Variants in GALNT16 observed in about 807,000 individuals in gnomAD.
The protein encoded by GALNT16 is polypeptide N-acetylgalactosaminyltransferase 16, also known as UDP-GalNAc:polypeptide N-acetylgalactosaminyltransferase-like protein 1.
A neutral mutation model predicts 76.1 loss-of-function variants in GALNT16; 40 were observed. That is an observed-to-expected ratio of 0.53 (90% CI 0.41 to 0.68). GALNT16 has a LOEUF of 0.68. Ranked by LOEUF, GALNT16 falls within the 30% of genes least tolerant of loss-of-function variation. GALNT16 has a pLI of 0.00. For synonymous variants in GALNT16, 276 were observed against 285.2 expected, an observed-to-expected ratio of 0.97 and a Z score of 0.32; for missense variants, 621 against 731.9, an observed-to-expected ratio of 0.85 and a Z score of 1.75.
intron 1 of GALNT16, among the ~76,000 whole-genome samples, chr14:69,287,704 C>G (rs530753000): frequency 1.2e-3 from 186 of 152,316 alleles, no homozygotes; most frequent in African/African-American, 4.3e-3. Flanking sequence ...CATCTGCTGG[C>G]CAGCACAGCC....
chr14:69,278,269 A>G (rs902757735), intron 1 of GALNT16, among the ~76,000 whole-genome samples: 1 of 152,148 alleles, frequency 6.6e-6, no homozygotes, highest in Non-Finnish European at 1.5e-5. Context: ...TTGGCCTCCC[A>G]AAGTCCTAGG....
At chr14:69,360,956 C>A (rs1358656444), downstream of GALNT16, among the ~76,000 whole-genome samples, 1 of 152,222 alleles carries the variant, frequency 6.6e-6, no homozygotes, top group African/African-American at 2.4e-5. Context: ...CCACAGAGCT[C>A]TGGGCAGTGA....
intron 10 of GALNT16, 133 bp downstream of exon 10, chr14:69,338,910 CT>C: frequency 1.5e-6 from 1 of 679,976 alleles, no homozygotes; most frequent in Non-Finnish European, 2.4e-6. Flanking sequence ...CATTTGCCCC[CT>C]CTGGTAACAT....
rs766188989 is a variant in GALNT16, at chr14:69,322,925, G to GGTGTGTGT, written c.336-1717_336-1710dup. ...AAAAGAAAGCTGAGGTGGCTCACGG[G>GGTGTGTGT]GTGTGTGTGTGTGTGTGTGTGTGTG... On this transcript the variant is annotated intron_variant, in intron 2 of 14. Coordinates refer to ENST00000448469, the MANE Select transcript of GALNT16 (RefSeq NM_001168368.2). 7.2e-3 allele frequency among the ~76,000 whole-genome samples: 746 copies of GGTGTGTGT among 103,794 alleles called. 12 individuals are homozygous for GGTGTGTGT. Among genetic ancestry groups the GGTGTGTGT allele is most frequent in the Non-Finnish European group, 9.9e-3 (538 of 54,478 alleles). 68.1% of individuals were successfully genotyped at this position (103,794 alleles called of 152,430 possible).
At chr14:69,312,141 C>T (rs1709038606) in intron 1 of GALNT16, among the ~76,000 whole-genome samples, 1 of 151,732 alleles carries the variant, frequency 6.6e-6, no homozygotes, top group South Asian at 2.1e-4. Flanking sequence ...GTCCCAGCTA[C>T]TCAGGAGACT....
At chr14:69,329,897 C>T (rs1322716153) in intron 6 of GALNT16, among the ~76,000 whole-genome samples, 1 of 152,096 alleles carries the variant, frequency 6.6e-6, no homozygotes, top group Non-Finnish European at 1.5e-5. Context: ...TAACTAGGCC[C>T]CATCTCCAAC....
At chr14:69,314,936 G>A (rs563195682) in intron 1 of GALNT16, among the ~76,000 whole-genome samples, 1 of 152,306 alleles carries the variant, frequency 6.6e-6, no homozygotes, top group Admixed American at 6.5e-5. Flanking sequence ...TTTACTGGCA[G>A]TAAAAGAAAA....
chr14:69,328,656 G>T, intron 6 of GALNT16, 85 bp downstream of exon 6: 1 of 1,430,208 alleles, frequency 7.0e-7, no homozygotes, highest in Non-Finnish European at 9.5e-7. Context: ...GACAGTATTT[G>T]AAGCTGGGCA....
At chr14:69,343,631 A>G (rs1321450111) in intron 12 of GALNT16, among the ~76,000 whole-genome samples, 1 of 152,248 alleles carries the variant, frequency 6.6e-6, no homozygotes, top group East Asian at 1.9e-4. Context: ...CCCTGAAGAA[A>G]AAAGAGCAGT....
At chr14:69,283,051 G>T (rs1334626635) in intron 1 of GALNT16, among the ~76,000 whole-genome samples, 1 of 152,136 alleles carries the variant, frequency 6.6e-6, no homozygotes, top group Non-Finnish European at 1.5e-5. Context: ...GGCCATCTGT[G>T]GTGTTCACTT....
intron 1 of GALNT16, among the ~76,000 whole-genome samples, chr14:69,278,050 C>A (rs1012277726): frequency 1.3e-5 from 2 of 151,658 alleles, no homozygotes; most frequent in African/African-American, 4.8e-5. Context: ...CCTCTGTGAC[C>A]CAGGCTGGAG....
At position 69,352,899 on chromosome 14, in the gene GALNT16, G is replaced by T. The variant is rs1026869761; in HGVS notation, c.*731G>T. Among the ~76,000 whole-genome samples the T allele has an allele frequency of 6.6e-6, 1 of 152,192 alleles. No homozygotes were observed. The highest frequency in any genetic ancestry group is 2.4e-5 in the African/African-American group (1 of 41,456). On this transcript the variant is annotated 3_prime_UTR_variant, in exon 15 of 15. Transcript: ENST00000448469. ...GTCTGAGCCCGACGCTGCCTCTTCC[G>T]GTCCTGTGCCTGTGGGTGCCCACAT...
intron 1 of GALNT16, among the ~76,000 whole-genome samples, chr14:69,311,687 A>G (rs1325704718): frequency 2.0e-5 from 3 of 152,210 alleles, no homozygotes; most frequent in Non-Finnish European, 4.4e-5. Context: ...AATGTGCCAT[A>G]TCGGCCACTA....
intron 12 of GALNT16, 51 bp from the exon 13 acceptor site, chr14:69,346,989 G>A: frequency 6.2e-7 from 1 of 1,611,828 alleles, no homozygotes; most frequent in Non-Finnish European, 8.5e-7. Context: ...AGAGGGTGTA[G>A]GTAAGCCTTG....
intron 1 of GALNT16, among the ~76,000 whole-genome samples, chr14:69,288,271 C>T (rs2044642719): frequency 1.3e-5 from 2 of 152,316 alleles, no homozygotes; most frequent in Admixed American, 1.3e-4. Context: ...TCCTGGCTTC[C>T]AGCATCCCGG....
chr14:69,273,508 A>T (rs2044432371), intron 1 of GALNT16, among the ~76,000 whole-genome samples: 1 of 152,184 alleles, frequency 6.6e-6, no homozygotes, highest in African/African-American at 2.4e-5. Flanking sequence ...GGACCCTAGG[A>T]CATGCACCTT....
At position 69,320,765 on chromosome 14, in the gene GALNT16, C is replaced by A. The variant is rs2045168005; in HGVS notation, c.232C>A (p.Gln78Lys). The change falls in exon 2 of 15, where the codon CAG becomes AAG. Residue 78 changes from glutamine to lysine, a missense_variant. Physicochemically the swap from Gln to Lys is moderately conservative, Grantham distance 53 (BLOSUM62 1). Coordinates refer to ENST00000448469, the MANE Select transcript of GALNT16 (RefSeq NM_001168368.2). ...TGAGAAGGCCTACCTGTCGGCCAAG[C>A]AGCTGAAGGCTGGAGAGGACCCCTA... ...FDEKAYLSAK[Q>K]LKAGEDPYRQ... 2 of 1,614,140 alleles carry A rather than the reference C, an allele frequency of 1.2e-6. No homozygotes were observed. The highest frequency in any genetic ancestry group is 1.7e-6 in the Non-Finnish European group (2 of 1,179,988).
intron 1 of GALNT16, among the ~76,000 whole-genome samples, chr14:69,319,266 C>T (rs768745243): frequency 5.5e-4 from 84 of 152,228 alleles, no homozygotes; most frequent in Non-Finnish European, 1.0e-3. Flanking sequence ...GGACCCTGGG[C>T]ATGCCTGTCC....
At chr14:69,284,804 G>A (rs1170836899) in intron 1 of GALNT16, among the ~76,000 whole-genome samples, 1 of 152,020 alleles carries the variant, frequency 6.6e-6, no homozygotes, top group Non-Finnish European at 1.5e-5. Flanking sequence ...TTAAATTATG[G>A]TGGTGGTTTC....
Sources: allele counts gnomAD v4.1 joint callset (sites outside exome capture counted in the v4.1 genomes callset), GRCh38; gene constraint gnomAD v4.1.1; transcripts MANE v1.5; gene names NCBI Gene and HGNC (gene_info 2026-07-23, HGNC 2026-07-21).